The following EPHX2 variants were observed in gnomAD, a reference collection of about 807,000 sequenced individuals.
EPHX2 encodes bifunctional epoxide hydrolase 2.
EPHX2 carries 74 observed loss-of-function variants against 78.7 expected under a neutral mutation model. The observed-to-expected ratio is 0.94, with a 90% CI of 0.78 to 1.14. The LOEUF (loss-of-function observed/expected upper bound fraction) is 1.14, where lower values mean the gene tolerates loss of function less well. EPHX2 is among the 50% of genes most tolerant of loss of function. The pLI is 0.00. For missense variants in EPHX2, 715 were observed against 702.5 expected (o/e 1.02, Z -0.20); for synonymous variants, 251 against 255.2 (o/e 0.98, Z 0.16).
chr8:27,501,695 G>A (rs950872851), intron 2 of EPHX2, among the ~76,000 whole-genome samples: 1 of 151,942 alleles, frequency 6.6e-6, no homozygotes, highest in African/African-American at 2.4e-5. Context: ...TTACAGGTAT[G>A]AGCCACCATG....
At chr8:27,507,236 C>A (rs188317044) in intron 5 of EPHX2, among the ~76,000 whole-genome samples, 13 of 152,248 alleles carry the variant, frequency 8.5e-5, no homozygotes, top group African/African-American at 3.1e-4. Context: ...GTGCCAGGGC[C>A]GGGGAACTGG....
chr8:27,514,999 C>G (rs1186421497), intron 6 of EPHX2, among the ~76,000 whole-genome samples: 1 of 152,132 alleles, frequency 6.6e-6, no homozygotes, highest in Non-Finnish European at 1.5e-5. Context: ...AGTATTGAGA[C>G]AGCCAGGTGG....
At chr8:27,495,651 C>A (rs1813545152) in intron 1 of EPHX2, among the ~76,000 whole-genome samples, 1 of 152,134 alleles carries the variant, frequency 6.6e-6, no homozygotes. Flanking sequence ...CAGTGAGATC[C>A]TTTCTTTGTA....
chr8:27,533,628 C>T (rs1458932781), intron 12 of EPHX2, among the ~76,000 whole-genome samples: 1 of 152,114 alleles, frequency 6.6e-6, no homozygotes, highest in African/African-American at 2.4e-5. Flanking sequence ...CACTCTGTTG[C>T]CCAGGTTGAA....
chr8:27,511,110 C>A (rs891587119), intron 5 of EPHX2, among the ~76,000 whole-genome samples: 1 of 152,226 alleles, frequency 6.6e-6, no homozygotes, highest in Non-Finnish European at 1.5e-5. Flanking sequence ...TGACTTTGGA[C>A]TTCCAGCCTC....
chr8:27,507,810 G>A (rs937979964), intron 5 of EPHX2, among the ~76,000 whole-genome samples: 9 of 152,198 alleles, frequency 5.9e-5, no homozygotes, highest in African/African-American at 2.2e-4. Context: ...TTCTCCAGAA[G>A]CCTCTCTCCT....
intron 13 of EPHX2, among the ~76,000 whole-genome samples, chr8:27,538,404 C>T (rs1404786663): frequency 6.6e-6 from 1 of 152,190 alleles, no homozygotes; most frequent in Non-Finnish European, 1.5e-5. Context: ...CTGCAAGGGC[C>T]CTGGGGCAGT....
At position 27,500,486 on chromosome 8, in the gene EPHX2, T is replaced by C. The variant is rs562567939; in HGVS notation, c.102-440T>C. On this transcript the variant is annotated intron_variant, in intron 1 of 18. Coordinates refer to ENST00000521400, the MANE Select transcript of EPHX2 (RefSeq NM_001979.6). Reference sequence around the variant, plus strand: ...CTTTTTAAAGGTTAGAAGATGACATTAAGATAAAATAGAAACTAGAGAGGC... The same window carrying C: ...CTTTTTAAAGGTTAGAAGATGACATCAAGATAAAATAGAAACTAGAGAGGC... Among the ~76,000 whole-genome samples, 10 of 152,274 alleles carry C rather than the reference T, an allele frequency of 6.6e-5. No individual in the cohort carries two copies. The South Asian group carries it at 2.1e-3, about 32-fold the overall frequency.
intron 1 of EPHX2, among the ~76,000 whole-genome samples, chr8:27,499,311 G>A (rs1813682621): frequency 1.3e-5 from 2 of 152,140 alleles, no homozygotes; most frequent in Admixed American, 1.3e-4. Flanking sequence ...TCAAACCATA[G>A]CAGTAATTAT....
intron 12 of EPHX2, among the ~76,000 whole-genome samples, chr8:27,529,632 A>T (rs1371579010): frequency 1.3e-5 from 2 of 152,176 alleles, no homozygotes; most frequent in Non-Finnish European, 2.9e-5. Context: ...AGGCAAAAAA[A>T]AATGCTCTTT....
chr8:27,491,272 G>C lies in EPHX2; in HGVS notation c.64G>C (p.Val22Leu). Residue 22 changes from valine (V) to leucine (L), a missense_variant, in exon 1 of 19, where the codon GTC becomes CTC. By Grantham distance (32) the Val-to-Leu change is conservative (BLOSUM62 1). Coordinates refer to ENST00000521400, the MANE Select transcript of EPHX2 (RefSeq NM_001979.6). ...GVLALPAVFG[V>L]LGRTEEALAL... ...GCTGGCGCTGCCAGCGGTGTTCGGCGTCCTCGGCCGCACGGAGGAGGCCCT... is the reference window on the plus strand; with the variant it reads ...GCTGGCGCTGCCAGCGGTGTTCGGCCTCCTCGGCCGCACGGAGGAGGCCCT... The C allele has an allele frequency of 6.3e-7, 1 of 1,578,506 alleles. No individual in the cohort carries two copies. The highest frequency in any genetic ancestry group is 1.1e-5 in the South Asian group (1 of 88,386).
intron 15 of EPHX2, 115 bp from the exon 16 acceptor site, chr8:27,541,358 A>G (rs1378101784): frequency 9.2e-7 from 1 of 1,089,912 alleles, no homozygotes; most frequent in Non-Finnish European, 1.4e-6. Flanking sequence ...TTGCCCCTGC[A>G]GGAGGCTTTG....
intron 12 of EPHX2, among the ~76,000 whole-genome samples, chr8:27,526,618 TCA>T (rs1177213471): frequency 6.6e-6 from 1 of 152,182 alleles, no homozygotes; most frequent in East Asian, 1.9e-4. Flanking sequence ...CAACAGAAAT[TCA>T]CAGTCTTATA....
chr8:27,523,448 C>T (rs1264093999), intron 11 of EPHX2, among the ~76,000 whole-genome samples: 1 of 152,174 alleles, frequency 6.6e-6, no homozygotes, highest in East Asian at 1.9e-4. Context: ...TGCAGCTAAA[C>T]CTGTCTGACT....
chr8:27,525,658 C>T (rs72475895), intron 12 of EPHX2, among the ~76,000 whole-genome samples, 185 bp downstream of exon 12: 9 of 152,230 alleles, frequency 5.9e-5, no homozygotes, highest in African/African-American at 2.2e-4. Context: ...GGCAATGGCA[C>T]ATTTCCGTGT....
intron 1 of EPHX2, chr8:27,492,713 A>G (rs1372941350): frequency 1.2e-5 from 2 of 168,076 alleles, no homozygotes; most frequent in Non-Finnish European, 2.5e-5. Context: ...CTGTCCTATC[A>G]GAGTGCCCTT....
At chr8:27,518,854 C>T (rs1028257839) in intron 9 of EPHX2, among the ~76,000 whole-genome samples, 1 of 152,192 alleles carries the variant, frequency 6.6e-6, no homozygotes, top group Non-Finnish European at 1.5e-5. Context: ...TTGCCTCTTG[C>T]ACTCTGCTGC....
Position 27,508,903 on chromosome 8 carries a change from T to C in EPHX2, c.660+1909T>C, listed in dbSNP as rs528579084. Among the ~76,000 whole-genome samples the C allele has an allele frequency of 8.6e-5, 13 of 150,418 alleles. No homozygotes were observed. In the East Asian group the frequency reaches 1.4e-3, roughly 16 times the overall value. ...ACTCTGGACCATCAAACACCAACTT[T>C]CCATTCAATGGCATGCCCTGGCCCC... is the stretch of plus-strand genomic sequence containing the variant. On this transcript the variant is annotated intron_variant, in intron 5 of 18. Coordinates refer to ENST00000521400, the MANE Select transcript of EPHX2 (RefSeq NM_001979.6).
At chr8:27,511,221 T>C (rs942953578) in intron 5 of EPHX2, among the ~76,000 whole-genome samples, 9 of 152,234 alleles carry the variant, frequency 5.9e-5, no homozygotes, top group Non-Finnish European at 1.5e-5. Flanking sequence ...GAGAGTTTGA[T>C]TTTGGCCGAC....
Sources: gnomAD v4.1 joint callset for allele counts (sites outside exome capture counted in the v4.1 genomes callset) on GRCh38, gnomAD v4.1.1 for gene constraint, MANE v1.5 for transcripts, NCBI Gene and HGNC (gene_info 2026-07-23, HGNC 2026-07-21) for gene names.